Variants in METTL15 observed in about 807,000 individuals in gnomAD.
The protein encoded by METTL15 is 12S rRNA N(4)-cytidine methyltransferase METTL15.
METTL15 carries 34 observed loss-of-function variants against 38.3 expected under a neutral mutation model. The observed-to-expected ratio is 0.89, with a 90% CI of 0.68 to 1.18. The LOEUF (loss-of-function observed/expected upper bound fraction) is 1.18. Among genes scored for constraint, METTL15 ranks in the 50% most tolerant of loss-of-function variants. METTL15 has a pLI of 0.00. For synonymous variants in METTL15, 162 were observed against 170.9 expected (o/e 0.95, Z 0.41); for missense variants, 438 against 498.4 (o/e 0.88, Z 1.15).
intron 3 of METTL15, among the ~76,000 whole-genome samples, chr11:28,205,220 A>C (rs909121947): frequency 6.6e-6 from 1 of 151,876 alleles, no homozygotes; most frequent in Non-Finnish European, 1.5e-5. Context: ...CTCGTCATTT[A>C]GTATTAGGTA....
intron 5 of METTL15, among the ~76,000 whole-genome samples, chr11:28,392,981 A>G (rs918471832): frequency 6.6e-6 from 1 of 152,072 alleles, no homozygotes; most frequent in Non-Finnish European, 1.5e-5. Flanking sequence ...TAGAATGACA[A>G]CGGGGAAAAA....
chr11:28,372,588 T>A (rs1444179936), intron 5 of METTL15, among the ~76,000 whole-genome samples: 1 of 151,874 alleles, frequency 6.6e-6, no homozygotes, highest in Non-Finnish European at 1.5e-5. Flanking sequence ...GTTTCAGCAT[T>A]CCTCAGAGAC....
chr11:28,343,215 GA>G (rs35539603), intron 3 of METTL15, among the ~76,000 whole-genome samples: 35,650 of 129,594 alleles, frequency 0.28, 4,327 homozygotes, highest in Non-Finnish European at 0.29. Flanking sequence ...TCAGGGAGAA[GA>G]AAAAAAAAAA....
chr11:28,406,556 T>TATA (rs1222436229), intron 5 of METTL15, among the ~76,000 whole-genome samples: 1 of 152,142 alleles, frequency 6.6e-6, no homozygotes, highest in Non-Finnish European at 1.5e-5. Context: ...GAACTTAAAG[T>TATA]ATAATAATAA....
intron 6 of METTL15, among the ~76,000 whole-genome samples, chr11:28,526,110 A>T (rs116455028): frequency 0.018 from 2,733 of 152,276 alleles, 76 homozygotes; most frequent in African/African-American, 0.062. Context: ...GCCCATCTGG[A>T]GCTCCAGCTG....
At chr11:28,135,777 A>G (rs1320330684) in intron 3 of METTL15, among the ~76,000 whole-genome samples, 1 of 152,278 alleles carries the variant, frequency 6.6e-6, no homozygotes, top group East Asian at 1.9e-4. Flanking sequence ...TTTTGTTCAC[A>G]GGAGTATACC....
intron 4 of METTL15, among the ~76,000 whole-genome samples, chr11:28,241,543 A>G (rs1342246543): frequency 6.8e-6 from 1 of 147,024 alleles, no homozygotes; most frequent in Non-Finnish European, 1.5e-5. Flanking sequence ...CAAAAAAAGA[A>G]AAAAAAAAAA....
chr11:28,129,010 T>C (rs1411756144), intron 3 of METTL15, among the ~76,000 whole-genome samples: 4 of 152,168 alleles, frequency 2.6e-5, no homozygotes, highest in African/African-American at 7.2e-5. Flanking sequence ...ATTTCTAACT[T>C]TTTTGTTTAC....
intron 5 of METTL15, among the ~76,000 whole-genome samples, chr11:28,292,520 C>T (rs10450591): frequency 0.026 from 3,881 of 152,092 alleles, 174 homozygotes; most frequent in African/African-American, 0.089. Flanking sequence ...AATAAACATA[C>T]GTGTGCGTGT....
At chr11:28,366,989 A>G (rs1850192365) in intron 5 of METTL15, among the ~76,000 whole-genome samples, 1 of 152,212 alleles carries the variant, frequency 6.6e-6, no homozygotes, top group South Asian at 2.1e-4. Flanking sequence ...ACCCATGATA[A>G]CCCTTCCTTC....
At position 28,153,539 on chromosome 11, in the gene METTL15, GGAGA is replaced by G. The variant is rs537666224; in HGVS notation, c.270+39941_270+39944del. Among the ~76,000 whole-genome samples, 658 of 152,224 alleles carry G rather than the reference GGAGA, an allele frequency of 4.3e-3. 8 individuals are homozygous for G. Among genetic ancestry groups the G allele is most frequent in the African/African-American group, 0.014 (595 of 41,556 alleles). Reference sequence around the variant, plus strand: ...TTTACACAGTTGGGATTGGATAAATGGAGAGAGAGTGAATAGATAAAAGAAAAAT... The same window carrying G: ...TTTACACAGTTGGGATTGGATAAATGGAGAGTGAATAGATAAAAGAAAAAT... On this transcript the variant is annotated intron_variant, in intron 3 of 6. Coordinates refer to ENST00000407364, the MANE Select transcript of METTL15 (RefSeq NM_001113528.2).
chr11:28,487,808 A>G (rs1310113651), intron 6 of METTL15, among the ~76,000 whole-genome samples: 1 of 152,170 alleles, frequency 6.6e-6, no homozygotes, highest in Admixed American at 6.6e-5. Flanking sequence ...CTGTGGCACT[A>G]CAATGTTGAA....
At chr11:28,189,703 T>C (rs565614628) in intron 3 of METTL15, among the ~76,000 whole-genome samples, 1 of 151,264 alleles carries the variant, frequency 6.6e-6, no homozygotes, top group Non-Finnish European at 1.5e-5. Flanking sequence ...GTGAATCATG[T>C]CCATTTGATG....
At chr11:28,197,591 A>G in intron 3 of METTL15, 1 of 400,382 alleles carries the variant, frequency 2.5e-6, no homozygotes, top group Non-Finnish European at 5.2e-6. Context: ...GTGGTATAGT[A>G]TGGCCTTTTC....
At chr11:28,316,099 C>A (rs182401116) in intron 6 of METTL15, among the ~76,000 whole-genome samples, 41 of 152,272 alleles carry the variant, frequency 2.7e-4, no homozygotes, top group African/African-American at 9.6e-4. Flanking sequence ...TCCTCCAGAC[C>A]GCAGAATGGT....
At chr11:28,233,383 AT>A (rs1392362926) in intron 4 of METTL15, among the ~76,000 whole-genome samples, 6 of 152,048 alleles carry the variant, frequency 3.9e-5, no homozygotes, top group Admixed American at 6.6e-5. Flanking sequence ...AAATGATTAC[AT>A]TTTTTTGTTT....
Position 28,330,871 on chromosome 11 carries a change from T to G in METTL15, c.*30T>G, listed in dbSNP as rs1368683313. On this transcript the variant is annotated 3_prime_UTR_variant, in exon 7 of 7. Coordinates refer to ENST00000407364, the MANE Select transcript of METTL15 (RefSeq NM_001113528.2). ...TCATCATCTTATTCTTCAAATTTTT[T>G]TCTCACAATTTCTCTAATCTTTACT... The G allele has an allele frequency of 6.8e-7, 1 of 1,466,864 alleles. No homozygotes were observed. The highest frequency in any genetic ancestry group is 2.4e-5 in the Admixed American group (1 of 42,100). 90.9% of individuals were successfully genotyped at this position (1,466,864 alleles called of 1,614,324 possible).
chr11:28,192,330 A>G (rs1043329421), intron 3 of METTL15, among the ~76,000 whole-genome samples: 5 of 151,900 alleles, frequency 3.3e-5, no homozygotes, highest in African/African-American at 1.2e-4. Context: ...TTCCAAAATA[A>G]TAGTTGATTT....
chr11:28,355,883 T>A (rs1590343294), intron 4 of METTL15, among the ~76,000 whole-genome samples: 4 of 152,028 alleles, frequency 2.6e-5, no homozygotes, highest in Admixed American at 2.6e-4. Context: ...TGATTTGGAG[T>A]CCCCATACCT....
Sources: allele counts gnomAD v4.1 joint callset (sites outside exome capture counted in the v4.1 genomes callset), GRCh38; gene constraint gnomAD v4.1.1; transcripts MANE v1.5; gene names NCBI Gene and HGNC (gene_info 2026-07-23, HGNC 2026-07-21).